Variants in TLK1 observed in about 807,000 individuals in gnomAD.
TLK1 encodes tousled like kinase 1.
Under a neutral mutation model 105.3 loss-of-function variants are expected in TLK1, and 24 were observed. That is an observed-to-expected ratio of 0.23 (90% CI 0.17 to 0.32). TLK1 has a LOEUF of 0.32. TLK1 is among the 10% of genes least tolerant of loss of function. TLK1 has a pLI of 1.00. For missense variants in TLK1, 558 were observed against 910.5 expected, an observed-to-expected ratio of 0.61 and a Z score of 4.98; for synonymous variants, 321 against 310.4, an observed-to-expected ratio of 1.03 and a Z score of -0.36.
At chr2:171,024,363 C>T (rs1685675370) in intron 12 of TLK1, among the ~76,000 whole-genome samples, 1 of 151,790 alleles carries the variant, frequency 6.6e-6, no homozygotes, top group African/African-American at 2.4e-5. Context: ...GTAGTTGATT[C>T]AACAGTCACT....
chr2:171,078,706 A>C (rs1343029072), intron 3 of TLK1, among the ~76,000 whole-genome samples: 1 of 152,224 alleles, frequency 6.6e-6, no homozygotes, highest in East Asian at 1.9e-4. Flanking sequence ...AATCTGAAAA[A>C]GGCAGAGCCC....
In TLK1 at chr2:171,006,654, G is replaced by A. The variant is rs56006919; in HGVS notation, c.1599-11C>T. ...AACACTGTACAAAACCTACAACAGAGAAGAGAAAAAAATTAGACATAAGTA... is the reference window on the plus strand; with the variant it reads ...AACACTGTACAAAACCTACAACAGAAAAGAGAAAAAAATTAGACATAAGTA... On this transcript the variant is annotated splice_polypyrimidine_tract_variant and intron_variant, in intron 16 of 20. Transcript: ENST00000431350. 7.6e-3 allele frequency: 12,198 copies of A among 1,611,486 alleles called. 56 individuals carry two copies. The highest frequency in any genetic ancestry group is 9.0e-3 in the Non-Finnish European group (10,605 of 1,179,508).
chr2:171,043,147 G>A (rs1387970436), intron 11 of TLK1, among the ~76,000 whole-genome samples: 1 of 152,210 alleles, frequency 6.6e-6, no homozygotes, highest in African/African-American at 2.4e-5. Context: ...ATGACAGGCA[G>A]ATTCCTAGTG....
chr2:171,215,600 T>C (rs1260385694), intron 1 of TLK1, among the ~76,000 whole-genome samples: 2 of 152,230 alleles, frequency 1.3e-5, no homozygotes, highest in African/African-American at 4.8e-5. Flanking sequence ...ATTTAAATTA[T>C]ATATATAGGC....
chr2:171,108,404 C>CT (rs1690024934), intron 2 of TLK1, among the ~76,000 whole-genome samples: 6 of 151,954 alleles, frequency 3.9e-5, no homozygotes, highest in Admixed American at 3.9e-4. Context: ...GAATATGTAA[C>CT]TTTAAAACAT....
intron 12 of TLK1, among the ~76,000 whole-genome samples, chr2:171,016,111 A>T (rs891041778): frequency 6.6e-6 from 1 of 150,580 alleles, no homozygotes; most frequent in Admixed American, 6.6e-5. Context: ...CGCCGTCAAT[A>T]AAAAAAAAGG....
chr2:171,089,151 T>C (rs1318255069), intron 2 of TLK1, among the ~76,000 whole-genome samples: 1 of 152,224 alleles, frequency 6.6e-6, no homozygotes, highest in Non-Finnish European at 1.5e-5. Context: ...AGACACCACA[T>C]TTGGCCTGGC....
intron 12 of TLK1, among the ~76,000 whole-genome samples, chr2:171,017,330 T>C (rs557203577): frequency 3.3e-4 from 50 of 152,340 alleles, no homozygotes; most frequent in Non-Finnish European, 6.0e-4. Flanking sequence ...AAAAACTTAA[T>C]TTGACTGTCA....
chr2:171,200,720 A>C (rs1693382311), intron 1 of TLK1, among the ~76,000 whole-genome samples: 1 of 152,170 alleles, frequency 6.6e-6, no homozygotes, highest in Non-Finnish European at 1.5e-5. Context: ...CTGTATTTTT[A>C]CAAATTATTT....
intron 3 of TLK1, chr2:171,067,043 CTGT>C: frequency 7.0e-7 from 1 of 1,421,762 alleles, no homozygotes; most frequent in Non-Finnish European, 9.3e-7. Flanking sequence ...TAACATACTC[CTGT>C]ATCATACCCC....
chr2:171,119,187 C>T (rs972377492), intron 1 of TLK1, among the ~76,000 whole-genome samples: 4 of 152,172 alleles, frequency 2.6e-5, no homozygotes, highest in Admixed American at 2.0e-4. Context: ...CCATTTAATT[C>T]TTCCCTTAAA....
In TLK1 at chr2:171,227,568, C is replaced by CTTTTTTTTTTTTTTTTT. The variant is rs71401413; in HGVS notation, c.-6+3560_-6+3576dup. ...AGTTAGTCATGAGTTAGTAAATCTC[C>CTTTTTTTTTTTTTTTTT]TTTTTTTTTTTTTTTTTTTTTTTTT... On this transcript the variant is annotated intron_variant, in intron 1 of 20. Coordinates refer to the TLK1 transcript ENST00000521943. Among the ~76,000 whole-genome samples, 70 of 55,512 alleles carry CTTTTTTTTTTTTTTTTT rather than the reference C, an allele frequency of 1.3e-3. 2 individuals carry two copies. The highest frequency in any genetic ancestry group is 1.4e-3 in the Non-Finnish European group (43 of 30,288). 36.4% of individuals were successfully genotyped at this position (55,512 alleles called of 152,430 possible). A position where few individuals can be genotyped will look rare whatever the true frequency, so the allele number is the denominator to read the frequency against.
chr2:171,159,244 A>T (rs1385034613), intron 1 of TLK1, among the ~76,000 whole-genome samples: 1 of 152,252 alleles, frequency 6.6e-6, no homozygotes. Flanking sequence ...ACTAGGAGTG[A>T]ACAGCCCGTC....
At chr2:171,120,946 G>A (rs1690629068) in intron 1 of TLK1, among the ~76,000 whole-genome samples, 1 of 152,180 alleles carries the variant, frequency 6.6e-6, no homozygotes, top group Admixed American at 6.5e-5. Context: ...TACATACAAT[G>A]GAATATTATT....
intron 1 of TLK1, 47 bp from the exon 2 acceptor site, chr2:171,117,904 A>G (rs774786708): frequency 7.7e-6 from 10 of 1,297,640 alleles, no homozygotes; most frequent in Non-Finnish European, 9.6e-6. Flanking sequence ...ATGTGTGTAT[A>G]CTTTATACTT....
chr2:171,195,524 AT>A (rs1693256983), intron 1 of TLK1, among the ~76,000 whole-genome samples: 1 of 133,782 alleles, frequency 7.5e-6, no homozygotes, highest in East Asian at 3.7e-4. Flanking sequence ...AAAAAAAAAC[AT>A]AATCCACCAT....
At chr2:171,210,735 AC>A (rs528041438) in intron 1 of TLK1, among the ~76,000 whole-genome samples, 147 of 152,328 alleles carry the variant, frequency 9.7e-4, no homozygotes, top group African/African-American at 3.3e-3. Context: ...TAGAGACTAA[AC>A]TAAACTAGGA....
intron 1 of TLK1, among the ~76,000 whole-genome samples, chr2:171,208,414 T>G (rs1693548596): frequency 6.6e-6 from 1 of 152,186 alleles, no homozygotes; most frequent in Non-Finnish European, 1.5e-5. Context: ...TCAAGGAAAC[T>G]GATTTTCTGA....
intron 3 of TLK1, among the ~76,000 whole-genome samples, chr2:171,074,691 T>C (rs1688422305): frequency 6.7e-6 from 1 of 149,318 alleles, no homozygotes; most frequent in African/African-American, 2.5e-5. Context: ...AATAGTAAGA[T>C]TTCTGGTAAG....
Sources: gnomAD v4.1 joint callset for allele counts (sites outside exome capture counted in the v4.1 genomes callset) on GRCh38, gnomAD v4.1.1 for gene constraint, MANE v1.5 for transcripts, NCBI Gene and HGNC (gene_info 2026-07-23, HGNC 2026-07-21) for gene names.